HNRNPL: variants seen among roughly 807,000 people sequenced by gnomAD.
HNRNPL encodes the protein epididymis secretory sperm binding protein.
Under a neutral mutation model 64.0 loss-of-function variants are expected in HNRNPL, and 12 were observed. The ratio of observed to expected loss-of-function variants is 0.19; its 90% confidence interval spans 0.12 to 0.30. The LOEUF is 0.30. Ranked by LOEUF, HNRNPL falls within the 10% of genes least tolerant of loss-of-function variation. The pLI is 1.00. For synonymous variants in HNRNPL, 385 were observed against 313.0 expected (o/e 1.23, Z -2.43); for missense variants, 484 against 797.4 (o/e 0.61, Z 4.73).
chr19:38,839,211 T>C (rs1972029222), intron 8 of HNRNPL, 196 bp from the exon 9 acceptor site: 2 of 604,668 alleles, frequency 3.3e-6, no homozygotes, highest in Non-Finnish European at 5.8e-6. Flanking sequence ...GCCATGTTTT[T>C]AACTGTGGGA....
chr19:38,837,693 GGGCCGCCACACAGGATTCAAGCAGACCA>G (rs1568366389), intron 10 of HNRNPL, 42 bp from the exon 11 acceptor site: 1 of 1,572,268 alleles, frequency 6.4e-7, no homozygotes, highest in Non-Finnish European at 8.7e-7. Flanking sequence ...TGAAACAAAA[GGGCCGCCACACAGGATTCAAGCAGACCA>G]GGCCCTGCAT....
intron 6 of HNRNPL, chr19:38,841,294 A>T (rs1386621009): frequency 6.1e-6 from 2 of 329,828 alleles, no homozygotes; most frequent in African/African-American, 4.3e-5. Context: ...CAGCTTCTGA[A>T]ATTCCTCACA....
upstream of HNRNPL, among the ~76,000 whole-genome samples, chr19:38,850,879 G>C (rs906830361): frequency 2.0e-5 from 3 of 152,184 alleles, no homozygotes; most frequent in African/African-American, 7.2e-5. Context: ...GTTTCCCTTG[G>C]GAGAAGGCTC....
intron 12 of HNRNPL, chr19:38,837,123 AAAG>A (rs1230300390): frequency 2.3e-5 from 13 of 563,500 alleles, no homozygotes; most frequent in Middle Eastern, 4.7e-4. Flanking sequence ...TCTCTGATGC[AAAG>A]AAGAGAATGC....
In HNRNPL at chr19:38,849,905, T is replaced by C. The variant is rs915623962; in HGVS notation, c.62A>G (p.Gln21Arg). 8.7e-6 allele frequency: 11 copies of C among 1,271,242 alleles called. No homozygotes were observed. The highest frequency in any genetic ancestry group is 3.8e-5 in the Admixed American group (2 of 52,198). The allele number at this position is 1,271,242 out of a possible 1,614,324, so 78.7% of individuals were successfully genotyped here. ...KRRRRLEQRQ[Q>R]PDEQRRRSGA... ...CGACCGCCTCCGCTGCTCGTCCGGC[T>C]GCTGCCTCTGCTCCAGCCGCCGACG... Residue 21 changes from glutamine to arginine, a missense_variant, in exon 1 of 13, where the codon CAG (glutamine) becomes CGG (arginine). Physicochemically the swap from Gln to Arg is conservative, Grantham distance 43. This residue lies in a region of HNRNPL where 190 missense variants were observed against 160.1 expected (regional missense o/e 1.19). Coordinates refer to ENST00000221419, the MANE Select transcript of HNRNPL (RefSeq NM_001533.3).
intron 12 of HNRNPL, chr19:38,836,989 A>G: frequency 3.6e-6 from 2 of 554,464 alleles, no homozygotes; most frequent in East Asian, 3.0e-5. Context: ...AGAGAATCCC[A>G]TTCCTATCTC....
chr19:38,840,659 C>T, intron 6 of HNRNPL, 100 bp from the exon 7 acceptor site: 1 of 891,416 alleles, frequency 1.1e-6, no homozygotes, highest in Non-Finnish European at 1.8e-6. Context: ...CTCCTGCCAA[C>T]TGCAAGCCCT....
intron 9 of HNRNPL, 40 bp downstream of exon 9, chr19:38,838,854 C>A (rs774056652): frequency 2.5e-6 from 4 of 1,613,260 alleles, no homozygotes; most frequent in Non-Finnish European, 3.4e-6. Context: ...CCTTTTCTCT[C>A]CCCTGTACCT....
intron 11 of HNRNPL, 54 bp from the exon 12 acceptor site, chr19:38,837,533 T>C: frequency 3.7e-6 from 6 of 1,611,452 alleles, no homozygotes; most frequent in Non-Finnish European, 5.1e-6. Flanking sequence ...CAATAGGAAC[T>C]AGGCAGCTGC....
intron 12 of HNRNPL, 151 bp from the exon 13 acceptor site, chr19:38,836,931 A>C (rs948908252): frequency 3.3e-6 from 2 of 597,762 alleles, no homozygotes; most frequent in African/African-American, 3.7e-5. Flanking sequence ...AAGATGAGCC[A>C]ATTACCAATT....
chr19:38,849,814 G>T lies in HNRNPL; in HGVS notation c.153C>A (p.Gly51=). The change falls in exon 1 of 13, where the codon GGC becomes GGA. Residue 51 remains glycine (G), a synonymous_variant. Coordinates refer to ENST00000221419, the MANE Select transcript of HNRNPL (RefSeq NM_001533.3). ...GCTTAGGGGCCCGGCCGCCCTCACTGCCGCCGCCGTAGTAGCGGCCACCGC... is the reference window on the plus strand; with the variant it reads ...GCTTAGGGGCCCGGCCGCCCTCACTTCCGCCGCCGTAGTAGCGGCCACCGC... ...GGGGGRYYGG[G]SEGGRAPKRL... 1 of 1,292,710 alleles carries T rather than the reference G, an allele frequency of 7.7e-7. No homozygotes were observed. Among genetic ancestry groups the T allele is most frequent in the Non-Finnish European group, 1.1e-6 (1 of 943,830 alleles). 80.1% of individuals were successfully genotyped at this position (1,292,710 alleles called of 1,614,324 possible).
upstream of HNRNPL, chr19:38,850,025 C>T: frequency 2.3e-6 from 3 of 1,293,400 alleles, no homozygotes; most frequent in Non-Finnish European, 3.0e-6. Context: ...GCCCGTCACC[C>T]GCCGCCCCCA....
chr19:38,838,372 G>C lies in HNRNPL; in HGVS notation c.1557+25C>G, dbSNP rs774853345. 3 of 1,591,600 alleles carry C rather than the reference G, an allele frequency of 1.9e-6. No individual in the cohort carries two copies. The South Asian group carries it at 3.3e-5, about 18-fold the overall frequency. On this transcript the variant is annotated intron_variant, in intron 10 of 12. Transcript: ENST00000221419. ...AGACGGCCGTGGCAAGGACCCGACTGCCTGCGCAGCTCCACGGCACACACC... is the reference window on the plus strand; with the variant it reads ...AGACGGCCGTGGCAAGGACCCGACTCCCTGCGCAGCTCCACGGCACACACC...
At chr19:38,839,124 A>C in intron 8 of HNRNPL, 109 bp from the exon 9 acceptor site, 1 of 1,389,376 alleles carries the variant, frequency 7.2e-7, no homozygotes, top group Non-Finnish European at 1.0e-6. Flanking sequence ...CCATGTCCTC[A>C]CAGTTAATCG....
chr19:38,849,943 C>T lies in HNRNPL; in HGVS notation c.24G>A (p.Arg8=), dbSNP rs1250623342. ...CCAGCCGCCGACGCCGCTTCTCCGC[C>T]CGGGGCAGCAGCCTCCGCGACATGG... MSRRLLP[R]AEKRRRRLEQ... The change falls in exon 1 of 13, where the codon CGG becomes CGA. Residue 8 remains arginine, a synonymous_variant. Coordinates refer to ENST00000221419, the MANE Select transcript of HNRNPL (RefSeq NM_001533.3). The T allele has an allele frequency of 1.5e-6, 2 of 1,372,986 alleles. No homozygotes were observed. The highest frequency in any genetic ancestry group is 1.9e-6 in the Non-Finnish European group (2 of 1,047,682). 85.1% of individuals were successfully genotyped at this position (1,372,986 alleles called of 1,614,324 possible).
At chr19:38,840,716 G>T (rs1041549450) in intron 6 of HNRNPL, 157 bp from the exon 7 acceptor site, 2 of 659,958 alleles carry the variant, frequency 3.0e-6, no homozygotes, top group East Asian at 5.7e-5. Flanking sequence ...CTGACCTACG[G>T]CGGGCATGAA....
upstream of HNRNPL, chr19:38,850,088 C>G (rs1972461522): frequency 1.4e-6 from 1 of 737,680 alleles, no homozygotes; most frequent in South Asian, 2.5e-5. Context: ...GGCCGCCACA[C>G]GCCTTGCGCG....
chr19:38,847,965 C>T (rs1390216853), intron 1 of HNRNPL, among the ~76,000 whole-genome samples: 1 of 152,226 alleles, frequency 6.6e-6, no homozygotes, highest in Non-Finnish European at 1.5e-5. Flanking sequence ...CAAAAAACAA[C>T]ACATGCCCCA....
In HNRNPL at chr19:38,840,328, C is replaced by A; in HGVS notation, c.1001G>T (p.Gly334Val). 1 of 1,545,400 alleles carries A rather than the reference C, an allele frequency of 6.5e-7. No homozygotes were observed. The highest frequency in any genetic ancestry group is 8.8e-7 in the Non-Finnish European group (1 of 1,141,606). ...YHSHYHDEGY[G>V]PPPPHYEGRR... Reference sequence around the variant, plus strand: ...CCCTTCGTAGTGAGGTGGGGGGGGCCCGTAGCCCTCATCATGGTAATGGCT... The same window carrying A: ...CCCTTCGTAGTGAGGTGGGGGGGGCACGTAGCCCTCATCATGGTAATGGCT... The change falls in exon 8 of 13, where the codon GGG becomes GTG. Residue 334 changes from glycine (G) to valine (V), a missense_variant. By Grantham distance (109) the Gly-to-Val change is moderately radical. Around this residue, in one of 9 missense-constraint regions of HNRNPL, gnomAD observed 46 missense variants for 37.4 expected, o/e 1.23. Coordinates refer to ENST00000221419, the MANE Select transcript of HNRNPL (RefSeq NM_001533.3).
Sources: allele counts gnomAD v4.1 joint callset (sites outside exome capture counted in the v4.1 genomes callset), GRCh38; gene constraint gnomAD v4.1.1; regional missense constraint gnomAD v4.1.1; transcripts MANE v1.5; gene names NCBI Gene and HGNC (gene_info 2026-07-23, HGNC 2026-07-21).